MAP3K15: variants seen among roughly 807,000 people sequenced by gnomAD.
MAP3K15 encodes MAPK/ERK kinase kinase 15.
MAP3K15 carries 124 observed loss-of-function variants against 99.5 expected under a neutral mutation model. That is an observed-to-expected ratio of 1.25 (90% CI 1.08 to 1.45). MAP3K15 has a LOEUF of 1.45. MAP3K15 is among the 40% of genes most tolerant of loss of function. The probability of loss-of-function intolerance (pLI) is 0.00; values close to 1 mark genes in which losing one functional copy is unlikely to be tolerated. For synonymous variants in MAP3K15, 494 were observed against 439.6 expected (o/e 1.12, Z -1.55); for missense variants, 1,242 against 1,079.7 (o/e 1.15, Z -2.11).
At chrX:19,438,355 G>A (rs766196501) in intron 6 of MAP3K15, among the ~76,000 whole-genome samples, 6 of 111,721 alleles carry the variant, frequency 5.4e-5, no homozygotes, top group Admixed American at 1.9e-4. Flanking sequence ...TGATCCTCTC[G>A]CCTTGGCCTC....
chrX:19,380,396 G>GT, intron 18 of MAP3K15, 119 bp from the exon 19 acceptor site: 2 of 687,929 alleles, frequency 2.9e-6, no homozygotes, highest in Non-Finnish European at 4.3e-6. Flanking sequence ...AGGTGTTGGA[G>GT]ACCAGCCTGG....
At position 19,372,997 on chromosome X, in the gene MAP3K15, C is replaced by A. The variant is rs1488240320; in HGVS notation, c.2934-170G>T. 9 of 417,132 alleles carry A rather than the reference C, an allele frequency of 2.2e-5. No homozygotes were observed. In the East Asian group the frequency reaches 3.3e-4, roughly 15 times the overall value. The allele number at this position is 417,132 out of a possible 1,213,427, so 34.4% of individuals were successfully genotyped here. On this transcript the variant is annotated intron_variant, in intron 21 of 28. Coordinates refer to ENST00000338883, the MANE Select transcript of MAP3K15 (RefSeq NM_001001671.4). Reference sequence around the variant, plus strand: ...GACAGACATGCAGTGTTCTGTCAACCCCCACAGCAGGAGGGAGAGCAGAAG... The same window carrying A: ...GACAGACATGCAGTGTTCTGTCAACACCCACAGCAGGAGGGAGAGCAGAAG...
chrX:19,416,726 A>C (rs913117528), intron 9 of MAP3K15, among the ~76,000 whole-genome samples: 1 of 112,150 alleles, frequency 8.9e-6, no homozygotes, highest in African/African-American at 3.2e-5. Context: ...GTGGTTGCGA[A>C]AATCCTGCAC....
chrX:19,482,777 CA>C (rs202222697), intron 3 of MAP3K15, among the ~76,000 whole-genome samples: 1 of 109,741 alleles, frequency 9.1e-6, no homozygotes, highest in South Asian at 3.7e-4. Context: ...TAAAGCATTT[CA>C]AAAAAACAAA....
At chrX:19,379,495 G>A (rs1349910573) in intron 19 of MAP3K15, among the ~76,000 whole-genome samples, 3 of 97,034 alleles carry the variant, frequency 3.1e-5, no homozygotes, top group South Asian at 1.0e-3. Flanking sequence ...TCACCCAGGC[G>A]GGACTGCAGT....
chrX:19,502,909 G>T (rs2064449673), intron 1 of MAP3K15, among the ~76,000 whole-genome samples: 1 of 111,584 alleles, frequency 9.0e-6, no homozygotes, highest in African/African-American at 3.3e-5. Flanking sequence ...CTAATATGGG[G>T]ACGGAAACCA....
chrX:19,401,579 A>G (rs2063608783), intron 13 of MAP3K15, among the ~76,000 whole-genome samples: 1 of 111,668 alleles, frequency 9.0e-6, no homozygotes, highest in Admixed American at 9.6e-5. Flanking sequence ...ATTGCCTCTC[A>G]AAGTACAGAC....
At chrX:19,490,384 T>G (rs1206943373) in intron 1 of MAP3K15, among the ~76,000 whole-genome samples, 1 of 111,256 alleles carries the variant, frequency 9.0e-6, no homozygotes, top group Non-Finnish European at 1.9e-5. Flanking sequence ...CATTTCCTAT[T>G]TCACACTGCT....
At chrX:19,394,826 TTTTTTTTTTA>T (rs2063556266) in intron 16 of MAP3K15, among the ~76,000 whole-genome samples, 1 of 73,590 alleles carries the variant, frequency 1.4e-5, no homozygotes. Context: ...TTTTTTTTTT[TTTTTTTTTTA>T]AAAAGAGTGA....
rs756083188 is a variant in MAP3K15, at chrX:19,513,243, G to C, written c.361+1658C>G. Among the ~76,000 whole-genome samples, 10 of 111,044 alleles carry C rather than the reference G, an allele frequency of 9.0e-5. No homozygotes were observed. The South Asian group carries it at 3.8e-3, about 42-fold the overall frequency. On this transcript the variant is annotated intron_variant, in intron 1 of 28. Coordinates refer to ENST00000338883, the MANE Select transcript of MAP3K15 (RefSeq NM_001001671.4). ...AGTCGACCTGTTAGAAGGGCCCCCCGTACACACACACTCCGCCCCAGGGAA... is the reference window on the plus strand; with the variant it reads ...AGTCGACCTGTTAGAAGGGCCCCCCCTACACACACACTCCGCCCCAGGGAA...
intron 10 of MAP3K15, 98 bp from the exon 11 acceptor site, chrX:19,413,562 C>T: frequency 2.0e-6 from 1 of 493,989 alleles, no homozygotes; most frequent in Non-Finnish European, 3.2e-6. Context: ...AATATATCCT[C>T]ACTGAGGGCC....
intron 9 of MAP3K15, among the ~76,000 whole-genome samples, chrX:19,416,819 T>C (rs1164682264): frequency 8.9e-6 from 1 of 112,029 alleles, no homozygotes; most frequent in Non-Finnish European, 1.9e-5. Flanking sequence ...GTAGTTAAGT[T>C]TTTGGTGAAT....
At position 19,487,373 on chromosome X, in the gene MAP3K15, A is replaced by G. The variant is rs762631381; in HGVS notation, c.502-868T>C. On this transcript the variant is annotated intron_variant, in intron 2 of 28. Transcript: ENST00000338883. ...GGCACAGTTGAAGAAACTGTCCTAAATTGAAAAAAAAATTCTAATTTCATG... is the reference window on the plus strand; with the variant it reads ...GGCACAGTTGAAGAAACTGTCCTAAGTTGAAAAAAAAATTCTAATTTCATG... Among the ~76,000 whole-genome samples, 7 of 111,695 alleles carry G rather than the reference A, an allele frequency of 6.3e-5. No individual in the cohort carries two copies. The Admixed American group carries it at 6.7e-4, about 11-fold the overall frequency.
intron 1 of MAP3K15, chrX:19,496,984 T>A (rs746462644): frequency 9.0e-6 from 1 of 110,576 alleles, no homozygotes; most frequent in Non-Finnish European, 1.9e-5. Context: ...TCTAATTTCC[T>A]TTTTTTCATG....
At chrX:19,406,483 T>C (rs1222351004) in intron 13 of MAP3K15, among the ~76,000 whole-genome samples, 1 of 111,920 alleles carries the variant, frequency 8.9e-6, no homozygotes, top group Non-Finnish European at 1.9e-5. Flanking sequence ...GACCACATAC[T>C]GTATGATTCC....
At position 19,360,783 on chromosome X, in the gene MAP3K15, G is replaced by A. The variant is rs1298642306; in HGVS notation, c.3908C>T (p.Ala1303Val). The change falls in exon 29 of 29, where the codon GCT becomes GTT. Residue 1303 changes from alanine (A) to valine (V), a missense_variant. Ala to Val is a moderately conservative substitution (Grantham distance 64). Transcript: ENST00000338883. The stretch of plus-strand genomic sequence containing the variant: ...GTCTTTGGTTTCTGAGGCCTCCTGA[G>A]CCCTTCTGTACTGGGAGACCGCACT... ...LWSAVSQYRR[A>V]QEASETKDKA 8.3e-7 allele frequency: 1 copy of A among 1,208,121 alleles called. No homozygotes were observed. The highest frequency in any genetic ancestry group is 1.8e-5 in the African/African-American group (1 of 57,081).
chrX:19,461,709 G>A (rs1207848043), intron 4 of MAP3K15, among the ~76,000 whole-genome samples: 1 of 111,012 alleles, frequency 9.0e-6, no homozygotes, highest in East Asian at 2.8e-4. Flanking sequence ...GCTGAAATGG[G>A]GCCAGGCATA....
intron 18 of MAP3K15, among the ~76,000 whole-genome samples, chrX:19,381,972 T>C (rs970842919): frequency 3.6e-5 from 4 of 112,025 alleles, no homozygotes; most frequent in Non-Finnish European, 7.5e-5. Context: ...GGGCCGGGCA[T>C]GGTGGCTAAC....
intron 3 of MAP3K15, among the ~76,000 whole-genome samples, chrX:19,468,946 T>C (rs1335215494): frequency 8.9e-6 from 1 of 111,743 alleles, no homozygotes; most frequent in Non-Finnish European, 1.9e-5. Context: ...ATGCTTGTGA[T>C]TTTTGCACAA....
Sources: gnomAD v4.1 joint callset for allele counts (sites outside exome capture counted in the v4.1 genomes callset) on GRCh38, gnomAD v4.1.1 for gene constraint, MANE v1.5 for transcripts, NCBI Gene and HGNC (gene_info 2026-07-23, HGNC 2026-07-21) for gene names.